CNTNAP2: variants seen among roughly 807,000 people sequenced by gnomAD.
CNTNAP2 encodes the protein contactin associated protein 2.
CNTNAP2 carries 98 observed loss-of-function variants against 155.2 expected under a neutral mutation model. That is an observed-to-expected ratio of 0.63 (90% CI 0.54 to 0.75). CNTNAP2 has a LOEUF of 0.75. CNTNAP2 is among the 30% of genes least tolerant of loss of function. CNTNAP2 has a pLI of 0.00. For synonymous variants in CNTNAP2, 651 were observed against 631.2 expected (o/e 1.03, Z -0.47); for missense variants, 1,727 against 1,688.1 (o/e 1.02, Z -0.40).
At chr7:146,885,228 A>G (rs1012245452) in intron 3 of CNTNAP2, among the ~76,000 whole-genome samples, 3 of 152,188 alleles carry the variant, frequency 2.0e-5, no homozygotes, top group Non-Finnish European at 4.4e-5. Context: ...GTCTTTGGAT[A>G]TTTACATTGT....
chr7:148,224,005 T>C (rs142669368), intron 19 of CNTNAP2, among the ~76,000 whole-genome samples: 44 of 152,114 alleles, frequency 2.9e-4, no homozygotes, highest in African/African-American at 8.7e-4. Flanking sequence ...TGCCAGGGGA[T>C]GGGCATGGCT....
chr7:146,511,500 G>A (rs1068274), intron 1 of CNTNAP2, among the ~76,000 whole-genome samples: 73,236 of 151,992 alleles, frequency 0.48, 21,282 homozygotes, highest in African/African-American at 0.83. Context: ...TCCTGAAAGG[G>A]TGTATTATAT....
intron 13 of CNTNAP2, among the ~76,000 whole-genome samples, chr7:147,772,505 CA>C (rs1379026502): frequency 9.1e-6 from 1 of 110,384 alleles, no homozygotes; most frequent in Admixed American, 9.4e-5. Context: ...AAAAAAACCA[CA>C]AAAGAGGTGA....
In CNTNAP2 at chr7:147,639,158, G is replaced by A; in HGVS notation, c.1950G>A (p.Val650=). The part of the protein sequence containing the change: ...VSHDLQMQTP[V]VGYNPEKYSV... ...ATGACTTGCAGATGCAGACGCCTGTGGTCGGCTACAACCCAGAAAAATACT... is the reference window on the plus strand; with the variant it reads ...ATGACTTGCAGATGCAGACGCCTGTAGTCGGCTACAACCCAGAAAAATACT... The change falls in exon 13 of 24, where the codon GTG becomes GTA. Residue 650 remains valine (V), a synonymous_variant. Coordinates refer to ENST00000361727, the MANE Select transcript of CNTNAP2 (RefSeq NM_014141.6). 6.2e-7 allele frequency: 1 copy of A among 1,614,126 alleles called. No homozygotes were observed. The highest frequency in any genetic ancestry group is 8.5e-7 in the Non-Finnish European group (1 of 1,180,006).
intron 22 of CNTNAP2, among the ~76,000 whole-genome samples, chr7:148,400,628 T>A (rs1308323729): frequency 6.6e-6 from 1 of 152,172 alleles, no homozygotes; most frequent in Non-Finnish European, 1.5e-5. Flanking sequence ...CACCCTCCCA[T>A]ATACTTTAAA....
intron 20 of CNTNAP2, among the ~76,000 whole-genome samples, chr7:148,252,969 G>A: frequency 6.6e-6 from 1 of 151,618 alleles, no homozygotes; most frequent in Non-Finnish European, 1.5e-5. Flanking sequence ...ATGAGAATTT[G>A]GGGGTGATCC....
chr7:146,230,818 C>T (rs903441321), intron 1 of CNTNAP2, among the ~76,000 whole-genome samples: 1 of 152,048 alleles, frequency 6.6e-6, no homozygotes, highest in African/African-American at 2.4e-5. Flanking sequence ...AGTTTGAGAC[C>T]AGCCTGGCCA....
intron 3 of CNTNAP2, among the ~76,000 whole-genome samples, chr7:146,952,806 A>T (rs1049242001): frequency 6.6e-6 from 1 of 152,106 alleles, no homozygotes; most frequent in Non-Finnish European, 1.5e-5. Context: ...CTAAAGGCAC[A>T]TAAGATCACA....
intron 1 of CNTNAP2, among the ~76,000 whole-genome samples, chr7:146,474,993 GCGCGCACGCGCGCGCGCGCGCA>G (rs1472275186): frequency 6.2e-5 from 8 of 128,826 alleles, no homozygotes; most frequent in African/African-American, 2.6e-4. Context: ...CTGAGCACGA[GCGCGCACGCGCGCGCGCGCGCA>G]CACACACACA....
intron 1 of CNTNAP2, among the ~76,000 whole-genome samples, chr7:146,478,193 C>G (rs893522568): frequency 6.6e-6 from 1 of 151,678 alleles, no homozygotes; most frequent in Non-Finnish European, 1.5e-5. Context: ...CCCTTTCAAG[C>G]CTGAGAGAAG....
At chr7:146,229,034 T>C (rs1799340634) in intron 1 of CNTNAP2, among the ~76,000 whole-genome samples, 1 of 152,184 alleles carries the variant, frequency 6.6e-6, no homozygotes, top group African/African-American at 2.4e-5. Context: ...CACATGAGTT[T>C]ACAGATTAAT....
At chr7:146,152,451 G>A (rs1437119507) in intron 1 of CNTNAP2, among the ~76,000 whole-genome samples, 2 of 152,048 alleles carry the variant, frequency 1.3e-5, no homozygotes, top group African/African-American at 2.4e-5. Flanking sequence ...GGGGTCTATT[G>A]TACAACGTGG....
chr7:146,714,014 T>TA (rs908189195), intron 1 of CNTNAP2, among the ~76,000 whole-genome samples: 15 of 151,620 alleles, frequency 9.9e-5, no homozygotes, highest in Admixed American at 2.0e-4. Context: ...ATAGAGCAAA[T>TA]AAAAAAAAAT....
At chr7:147,937,729 C>T (rs1248828634) in intron 14 of CNTNAP2, among the ~76,000 whole-genome samples, 1 of 152,168 alleles carries the variant, frequency 6.6e-6, no homozygotes, top group Non-Finnish European at 1.5e-5. Context: ...CTGGATGATA[C>T]TAAAAAGCAA....
chr7:147,884,069 T>C (rs2247149), intron 13 of CNTNAP2, among the ~76,000 whole-genome samples: 86,645 of 152,088 alleles, frequency 0.57, 25,277 homozygotes, highest in African/African-American at 0.69. Flanking sequence ...AAATGGCATT[T>C]GAAGAACATC....
At position 146,196,569 on chromosome 7, in the gene CNTNAP2, GAGAGAGAGAGAGAA is replaced by G. The variant is rs576312374; in HGVS notation, c.97+79616_97+79629del. On this transcript the variant is annotated intron_variant, in intron 1 of 23. Coordinates refer to ENST00000361727, the MANE Select transcript of CNTNAP2 (RefSeq NM_014141.6). ...GAGGGAAAGGAGGGAGGGAGGGAGA[GAGAGAGAGAGAGAA>G]AGAGAGAGAGAGAAAGAGAAAGAGA... 1.3e-3 allele frequency among the ~76,000 whole-genome samples: 198 copies of G among 151,794 alleles called. 3 individuals carry two copies. The East Asian group carries it at 0.03, about 23-fold the overall frequency.
chr7:147,037,222 A>G (rs1174980459), intron 3 of CNTNAP2, among the ~76,000 whole-genome samples: 3 of 152,104 alleles, frequency 2.0e-5, no homozygotes, highest in East Asian at 3.8e-4. Flanking sequence ...TAGACCAGAT[A>G]TCAAATGTGT....
intron 1 of CNTNAP2, among the ~76,000 whole-genome samples, chr7:146,569,453 G>C (rs1245232017): frequency 6.6e-6 from 1 of 152,220 alleles, no homozygotes; most frequent in Admixed American, 6.5e-5. Flanking sequence ...TGAGTGAAAA[G>C]AAAGAAGGAC....
In CNTNAP2 at chr7:147,040,393, C is replaced by T. The variant is rs921459021; in HGVS notation, c.403-3514C>T. ...ACTGAGTCTCATTGAGTTAGGTGCC[C>T]ACCCCTGGTGGTAGGGAGTAGTGTC... On this transcript the variant is annotated intron_variant, in intron 3 of 23. Transcript: ENST00000361727. Among the ~76,000 whole-genome samples, 4 of 151,860 alleles carry T rather than the reference C, an allele frequency of 2.6e-5. No individual in the cohort carries two copies. The South Asian group carries it at 8.3e-4, about 32-fold the overall frequency.
Sources: gnomAD v4.1 joint callset for allele counts (sites outside exome capture counted in the v4.1 genomes callset) on GRCh38, gnomAD v4.1.1 for gene constraint, MANE v1.5 for transcripts, NCBI Gene and HGNC (gene_info 2026-07-23, HGNC 2026-07-21) for gene names.